The following MUC15 variants were observed in gnomAD, a reference collection of about 807,000 sequenced individuals.
MUC15 encodes mucin 15, cell surface associated.
In MUC15, 23 loss-of-function variants were observed where a neutral mutation model predicts 24.0. The observed-to-expected ratio is 0.96, with a 90% CI of 0.69 to 1.36. The LOEUF is 1.36. Ranked by LOEUF, MUC15 falls within the 40% of genes most tolerant of loss-of-function variation. MUC15 has a pLI of 0.00. For synonymous variants in MUC15, 151 were observed against 156.3 expected, an observed-to-expected ratio of 0.97 and a Z score of 0.25; for missense variants, 442 against 428.2, an observed-to-expected ratio of 1.03 and a Z score of -0.29.
At chr11:26,563,343 A>G (rs1181356466) in intron 3 of MUC15, 78 bp from the exon 4 acceptor site, 9 of 1,366,682 alleles carry the variant, frequency 6.6e-6, no homozygotes, top group Non-Finnish European at 8.9e-6. Flanking sequence ...AACTTTCCAT[A>G]TAACAAAGAA....
chr11:26,568,743 A>T (rs905500990), intron 1 of MUC15, among the ~76,000 whole-genome samples: 2 of 152,192 alleles, frequency 1.3e-5, no homozygotes, highest in East Asian at 3.9e-4. Context: ...ATATTTACTT[A>T]AATTGATGCC....
intron 2 of MUC15, 91 bp downstream of exon 2, chr11:26,566,961 G>T: frequency 8.6e-7 from 1 of 1,168,268 alleles, no homozygotes; most frequent in Non-Finnish European, 1.1e-6. Flanking sequence ...CTTAATAGAT[G>T]CTAACCTCCA....
intron 4 of MUC15, among the ~76,000 whole-genome samples, chr11:26,561,785 G>A (rs1850305031): frequency 6.6e-6 from 1 of 151,824 alleles, no homozygotes; most frequent in Non-Finnish European, 1.5e-5. Flanking sequence ...TGGAAATTTA[G>A]TTTTCTTTTA....
chr11:26,563,043 A>G, intron 4 of MUC15, 73 bp downstream of exon 4: 1 of 1,562,690 alleles, frequency 6.4e-7, no homozygotes, highest in Non-Finnish European at 8.6e-7. Flanking sequence ...CTTCTAGGCA[A>G]TGCAGTGAAC....
In MUC15 at chr11:26,565,525, A is replaced by C; in HGVS notation, c.415T>G (p.Leu139Val). ...PTSTISTSPP[L>V]IHSFVSKVPW... ...ACTTTAGAAACAAAGCTATGGATCA[A>C]GGGAGGGCTTGTGGAAATGGTAGAT... Residue 139 changes from leucine to valine, a missense_variant, in exon 3 of 5, where the codon TTG becomes GTG. Leu to Val is a conservative substitution (Grantham distance 32). Coordinates refer to ENST00000529533, the MANE Select transcript of MUC15 (RefSeq NM_001135091.2). 1.9e-6 allele frequency: 3 copies of C among 1,613,416 alleles called. No homozygotes were observed. Among genetic ancestry groups the C allele is most frequent in the Admixed American group, 1.7e-5 (1 of 59,910 alleles).
chr11:26,561,012 A>C lies in MUC15; in HGVS notation c.*53T>G. On this transcript the variant is annotated 3_prime_UTR_variant, in exon 5 of 5. Coordinates refer to ENST00000529533, the MANE Select transcript of MUC15 (RefSeq NM_001135091.2). Reference sequence around the variant, plus strand: ...AACCTTTTGAAAGATGAATTTGTCAAAAGGCTAGGATGTAGATGACACTTG... The same window carrying C: ...AACCTTTTGAAAGATGAATTTGTCACAAGGCTAGGATGTAGATGACACTTG... The C allele has an allele frequency of 1.3e-6, 2 of 1,520,980 alleles. No individual in the cohort carries two copies. Among genetic ancestry groups the C allele is most frequent in the South Asian group, 2.5e-5 (2 of 79,446 alleles). The allele number at this position is 1,520,980 out of a possible 1,614,324, so 94.2% of individuals were successfully genotyped here.
intron 3 of MUC15, 47 bp from the exon 4 acceptor site, chr11:26,563,312 G>T: frequency 6.5e-7 from 1 of 1,533,902 alleles, no homozygotes; most frequent in East Asian, 2.5e-5. Flanking sequence ...ATTATTCAAA[G>T]AACCGAACTC....
In MUC15 at chr11:26,565,450, G is replaced by A; in HGVS notation, c.490C>T (p.His164Tyr). The part of the protein sequence containing the change: ...ADEDLLPISA[H>Y]PNATPALSSE... ...GACAGAGCAGGTGTAGCATTGGGAT[G>A]TGCTGAGATGGGCAAAAGATCTTCA... The change falls in exon 3 of 5, where the codon CAT (histidine) becomes TAT (tyrosine). Residue 164 changes from histidine to tyrosine, a missense_variant. By Grantham distance (83) the His-to-Tyr change is moderately conservative (BLOSUM62 2). Transcript: ENST00000529533. 1 of 1,613,454 alleles carries A rather than the reference G, an allele frequency of 6.2e-7. No homozygotes were observed.
Position 26,561,057 on chromosome 11 carries a change from TGTTA to T in MUC15, c.*4_*7del. 6.2e-7 allele frequency: 1 copy of T among 1,602,684 alleles called. No individual in the cohort carries two copies. Among genetic ancestry groups the T allele is most frequent in the South Asian group, 1.1e-5 (1 of 89,142 alleles). ...CACTTGCTGTTTAACGCCTTTTTGC[TGTTA>T]GTTCTATACAGAAGTACGAAGTGGA... On this transcript the variant is annotated 3_prime_UTR_variant, in exon 5 of 5. Coordinates refer to ENST00000529533, the MANE Select transcript of MUC15 (RefSeq NM_001135091.2).
chr11:26,567,676 T>G (rs1009423134), intron 1 of MUC15, among the ~76,000 whole-genome samples: 2 of 152,048 alleles, frequency 1.3e-5, no homozygotes, highest in Non-Finnish European at 2.9e-5. Context: ...CCATGCCCTA[T>G]GGTTATCACT....
Position 26,559,835 on chromosome 11 carries a change from T to TACACACACAC in MUC15, c.*1220_*1229dup, listed in dbSNP as rs71047866. On this transcript the variant is annotated 3_prime_UTR_variant, in exon 5 of 5. Transcript: ENST00000529533. Reference sequence around the variant, plus strand: ...TTATTTTCTGAAGCTGTTTCTGTGTTACACACACACACACACACACACACA... The same window carrying TACACACACAC: ...TTATTTTCTGAAGCTGTTTCTGTGTTACACACACACACACACACACACACACACACACACA... 33 of 661,938 alleles carry TACACACACAC rather than the reference T, an allele frequency of 5.0e-5. No individual in the cohort carries two copies. Among genetic ancestry groups the TACACACACAC allele is most frequent in the African/African-American group, 1.3e-4 (7 of 54,284 alleles). 41.0% of individuals were successfully genotyped at this position (661,938 alleles called of 1,614,324 possible). A position where few individuals can be genotyped will look rare whatever the true frequency, so the allele number is the denominator to read the frequency against.
Position 26,565,209 on chromosome 11 carries a change from G to T in MUC15, c.731C>A (p.Thr244Asn), listed in dbSNP as rs768017367. Residue 244 changes from threonine (T) to asparagine (N), a missense_variant, in exon 3 of 5, where the codon ACC becomes AAC. Transcript: ENST00000529533. The part of the protein sequence containing the change: ...KTTLQPTLKF[T>N]NNSKLFPNTS... ...ATTTGGAAAGAGTTTTGAATTATTG[G>T]TGAATTTTAAGGTAGGCTGTAGAGT... 2.7e-6 allele frequency: 4 copies of T among 1,509,332 alleles called. No homozygotes were observed. The highest frequency in any genetic ancestry group is 2.7e-5 in the South Asian group (2 of 74,148). The allele number at this position is 1,509,332 out of a possible 1,614,324, so 93.5% of individuals were successfully genotyped here. A position where few individuals can be genotyped will look rare whatever the true frequency, so the allele number is the denominator to read the frequency against.
At chr11:26,567,349 G>A (rs538026944) in intron 1 of MUC15, among the ~76,000 whole-genome samples, 89 of 152,020 alleles carry the variant, frequency 5.9e-4, no homozygotes, top group African/African-American at 1.9e-3. Context: ...GAGAGGAAAA[G>A]GGAGGAGGTA....
chr11:26,564,763 A>AT (rs1850491468), intron 3 of MUC15, among the ~76,000 whole-genome samples: 1 of 98,802 alleles, frequency 1.0e-5, no homozygotes, highest in South Asian at 3.5e-4. Context: ...ATATATATAT[A>AT]TATATATATA....
At chr11:26,561,270 A>C in intron 4 of MUC15, 45 bp from the exon 5 acceptor site, 1 of 1,449,872 alleles carries the variant, frequency 6.9e-7, no homozygotes, top group Non-Finnish European at 9.2e-7. Flanking sequence ...GATACTCTGA[A>C]AGATTCATGT....
At chr11:26,569,302 GAA>G (rs1850725217) in intron 1 of MUC15, among the ~76,000 whole-genome samples, 1 of 152,120 alleles carries the variant, frequency 6.6e-6, no homozygotes, top group African/African-American at 2.4e-5. Context: ...GAGAGAAATG[GAA>G]GAGAGGGGTA....
intron 1 of MUC15, among the ~76,000 whole-genome samples, chr11:26,568,474 T>TG (rs1850685763): frequency 2.0e-5 from 1 of 49,226 alleles, no homozygotes; most frequent in South Asian, 7.6e-4. Flanking sequence ...CTACCATAGT[T>TG]TTTTTTTTTA....
chr11:26,561,397 AT>A (rs1305141052), intron 4 of MUC15, among the ~76,000 whole-genome samples, 172 bp from the exon 5 acceptor site: 5 of 151,976 alleles, frequency 3.3e-5, no homozygotes, highest in Admixed American at 2.6e-4. Context: ...TTCAAGCTTC[AT>A]TTTTTATAAG....
At chr11:26,565,072 T>C in intron 3 of MUC15, 93 bp downstream of exon 3, 4 of 1,269,646 alleles carry the variant, frequency 3.2e-6, no homozygotes, top group Non-Finnish European at 4.3e-6. Flanking sequence ...CTCTTCTGTT[T>C]TTCCAGCATG....
Sources: allele counts gnomAD v4.1 joint callset (sites outside exome capture counted in the v4.1 genomes callset), GRCh38; gene constraint gnomAD v4.1.1; transcripts MANE v1.5; gene names NCBI Gene and HGNC (gene_info 2026-07-23, HGNC 2026-07-21).